The following KIAA0586 variants were observed in gnomAD, a reference collection of about 807,000 sequenced individuals.
The protein encoded by KIAA0586 is KIAA0586.
A neutral mutation model predicts 169.8 loss-of-function variants in KIAA0586; 144 were observed. That is an observed-to-expected ratio of 0.85 (90% CI 0.74 to 0.97). The LOEUF is 0.97. Ranked by LOEUF, KIAA0586 falls within the 50% of genes least tolerant of loss-of-function variation. KIAA0586 has a pLI of 0.00. For synonymous variants in KIAA0586, 625 were observed against 612.4 expected, an observed-to-expected ratio of 1.02 and a Z score of -0.30; for missense variants, 1,854 against 1,823.0, an observed-to-expected ratio of 1.02 and a Z score of -0.31.
At chr14:58,516,819 C>T (rs1214760861) in intron 29 of KIAA0586, among the ~76,000 whole-genome samples, 1 of 149,972 alleles carries the variant, frequency 6.7e-6, no homozygotes, top group African/African-American at 2.4e-5. Flanking sequence ...ATAGAGAATT[C>T]AAAAAAAAAG....
chr14:58,532,511 G>C (rs1368841740), intron 29 of KIAA0586, among the ~76,000 whole-genome samples: 1 of 152,006 alleles, frequency 6.6e-6, no homozygotes. Flanking sequence ...AGATGAAAAT[G>C]AAATGAAATC....
chr14:58,484,924 A>ATATATT (rs1566877360), intron 21 of KIAA0586, among the ~76,000 whole-genome samples: 2 of 13,052 alleles, frequency 1.5e-4, no homozygotes, highest in African/African-American at 3.1e-4. Flanking sequence ...ATATATATAT[A>ATATATT]TTTTTTTTTT....
At chr14:58,474,579 A>G (rs781295573) in intron 18 of KIAA0586, 28 bp from the exon 19 acceptor site, 45 of 1,479,878 alleles carry the variant, frequency 3.0e-5, no homozygotes, top group Admixed American at 2.1e-4. Context: ...ATACATGAAT[A>G]TAATAGTTTT....
downstream of KIAA0586, among the ~76,000 whole-genome samples, chr14:58,553,015 G>A (rs374765232): frequency 2.6e-5 from 4 of 152,308 alleles, 1 homozygote. Context: ...GTATAGGATT[G>A]CTTGTCAAGC....
At chr14:58,495,131 T>C (rs1212715965) in intron 26 of KIAA0586, among the ~76,000 whole-genome samples, 2 of 152,128 alleles carry the variant, frequency 1.3e-5, no homozygotes, top group Non-Finnish European at 2.9e-5. Context: ...AGTGTTGATT[T>C]TGAGAGCTGG....
chr14:58,550,395 A>T lies in KIAA0586; in HGVS notation c.*2463A>T, dbSNP rs1252864623. 2 of 152,234 alleles carry T rather than the reference A, an allele frequency of 1.3e-5. No homozygotes were observed. The highest frequency in any genetic ancestry group is 2.9e-5 in the Non-Finnish European group (2 of 68,048). 9.4% of individuals were successfully genotyped at this position (152,234 alleles called of 1,614,324 possible). ...CTTCAGATTCTTTTGGAATAAGACG[A>T]TGTACGTAAAAACAAACTAAATGGA... On this transcript the variant is annotated 3_prime_UTR_variant, in exon 31 of 31. Coordinates refer to ENST00000652326, the MANE Select transcript of KIAA0586 (RefSeq NM_001329943.3).
Position 58,549,298 on chromosome 14 carries a change from G to A in KIAA0586, c.*1366G>A, listed in dbSNP as rs1486685265. The A allele has an allele frequency of 6.6e-6, 1 of 151,504 alleles. No homozygotes were observed. Among genetic ancestry groups the A allele is most frequent in the Non-Finnish European group, 1.5e-5 (1 of 67,962 alleles). The allele number at this position is 151,504 out of a possible 1,614,324, so 9.4% of individuals were successfully genotyped here. ...CTAATGCCTGGGCCTTGTACCAAGG[G>A]ATTTCAATTTAATTGATCTTGGATG... On this transcript the variant is annotated 3_prime_UTR_variant, in exon 31 of 31. Transcript: ENST00000652326.
rs1284387922 is a variant in KIAA0586 at position 58,482,565 on chromosome 14, T to C, written c.2997T>C (p.Pro999=). ...AGCTTTTTGTTGATGCTGGTGTTCC[T>C]GTGAACTCAAATGTGATTAAACATT... ...ALQLFVDAGV[P]VNSNVIKHFV... Residue 999 remains proline (P), a synonymous_variant, in exon 21 of 31, where the codon CCT becomes CCC. Transcript: ENST00000652326. 5 of 1,592,000 alleles carry C rather than the reference T, an allele frequency of 3.1e-6. No homozygotes were observed. Among genetic ancestry groups the C allele is most frequent in the Non-Finnish European group, 4.3e-6 (5 of 1,167,646 alleles).
rs948291489 is a variant in KIAA0586 at position 58,531,120 on chromosome 14, G to A, written c.4430-8951G>A. ...ATCACGAGGTCAGGAGATGGAGAGC[G>A]TCCTGGCTAACACAGTGAAACCCCG... On this transcript the variant is annotated intron_variant, in intron 29 of 30. Coordinates refer to ENST00000652326, the MANE Select transcript of KIAA0586 (RefSeq NM_001329943.3). Among the ~76,000 whole-genome samples, 10 of 150,798 alleles carry A rather than the reference G, an allele frequency of 6.6e-5. 1 individual carries two copies. Among genetic ancestry groups the A allele is most frequent in the Non-Finnish European group, 5.9e-5 (4 of 67,666 alleles).
intron 30 of KIAA0586, 78 bp from the exon 31 acceptor site, chr14:58,547,703 A>C: frequency 1.3e-4 from 97 of 768,470 alleles, no homozygotes; most frequent in East Asian, 3.5e-4. Context: ...CCCCAACCTC[A>C]TATTATTTCG....
intron 21 of KIAA0586, among the ~76,000 whole-genome samples, chr14:58,484,920 A>ATTTTTT (rs2042324490): frequency 4.5e-5 from 1 of 22,176 alleles, no homozygotes; most frequent in African/African-American, 1.6e-4. Context: ...ATATATATAT[A>ATTTTTT]TATATTTTTT....
intron 15 of KIAA0586, 76 bp downstream of exon 15, chr14:58,466,105 G>A (rs544664851): frequency 7.8e-6 from 9 of 1,149,676 alleles, no homozygotes; most frequent in Admixed American, 2.1e-5. Context: ...TATTAGAGAC[G>A]GGGTTTCACT....
rs2044037433 is a variant in KIAA0586 at position 58,507,252 on chromosome 14, T to TCA, written c.4169-1302_4169-1301dup. On this transcript the variant is annotated intron_variant, in intron 27 of 30. Transcript: ENST00000652326. Reference sequence around the variant, plus strand: ...TCTATATGTATGATTTATATATAAATCATGTATGATTTATATATATGTATG... The same window carrying TCA: ...TCTATATGTATGATTTATATATAAATCACATGTATGATTTATATATATGTATG... Among the ~76,000 whole-genome samples, 6 of 6,580 alleles carry TCA rather than the reference T, an allele frequency of 9.1e-4. No individual in the cohort carries two copies. In the South Asian group the frequency reaches 0.14, roughly 150 times the overall value. The allele number at this position is 6,580 out of a possible 152,430, so 4.3% of individuals were successfully genotyped here. A position where few individuals can be genotyped will look rare whatever the true frequency, so the allele number is the denominator to read the frequency against.
intron 6 of KIAA0586, among the ~76,000 whole-genome samples, chr14:58,446,336 A>G (rs1283314608): frequency 3.3e-5 from 5 of 151,874 alleles, no homozygotes; most frequent in African/African-American, 1.2e-4. Flanking sequence ...TCTCTACCAA[A>G]GATACAAAAA....
chr14:58,469,541 G>A (rs148142224), intron 16 of KIAA0586, among the ~76,000 whole-genome samples: 6 of 152,284 alleles, frequency 3.9e-5, no homozygotes, highest in Admixed American at 6.5e-5. Flanking sequence ...TGTATTGAAC[G>A]AATGAGCATC....
At chr14:58,534,976 A>G (rs971870395) in intron 29 of KIAA0586, among the ~76,000 whole-genome samples, 1 of 152,186 alleles carries the variant, frequency 6.6e-6, no homozygotes, top group Non-Finnish European at 1.5e-5. Context: ...AAGAAATTGA[A>G]CACTGCCAGA....
In KIAA0586 at chr14:58,474,769, G is replaced by T; in HGVS notation, c.2797G>T (p.Glu933Ter). 1.2e-6 allele frequency: 2 copies of T among 1,606,648 alleles called. No individual in the cohort carries two copies. Among genetic ancestry groups the T allele is most frequent in the South Asian group, 1.1e-5 (1 of 89,204 alleles). Residue 933 changes from glutamate (E) to a stop codon, truncating the protein, a stop_gained, in exon 19 of 31, where the codon GAA becomes TAA. Transcript: ENST00000652326. LOFTEE classifies it high-confidence loss of function. ...TCTGGATAAAGTAATTGAGAGAAAAGAAACACTGGAAAATAGCTTAATTCA... is the reference window on the plus strand; with the variant it reads ...TCTGGATAAAGTAATTGAGAGAAAATAAACACTGGAAAATAGCTTAATTCA... ...DILDKVIERKETLENSLIQWV... is the reference protein window; with the variant it reads ...DILDKVIERK
At chr14:58,514,119 T>C (rs985881323) in intron 29 of KIAA0586, among the ~76,000 whole-genome samples, 1 of 152,120 alleles carries the variant, frequency 6.6e-6, no homozygotes, top group African/African-American at 2.4e-5. Context: ...TTGGTACATA[T>C]CTTTATACTA....
intron 27 of KIAA0586, among the ~76,000 whole-genome samples, chr14:58,505,497 A>G (rs900966072): frequency 1.3e-5 from 2 of 152,208 alleles, no homozygotes; most frequent in African/African-American, 4.8e-5. Context: ...AAGCTCTTCT[A>G]TACACGAGCA....
Sources: allele counts gnomAD v4.1 joint callset (sites outside exome capture counted in the v4.1 genomes callset), GRCh38; gene constraint gnomAD v4.1.1; transcripts MANE v1.5; gene names NCBI Gene and HGNC (gene_info 2026-07-23, HGNC 2026-07-21).